Variants in FRMD3 observed in about 807,000 individuals in gnomAD.
FRMD3 encodes FERM domain-containing protein 3.
Under a neutral mutation model 70.2 loss-of-function variants are expected in FRMD3, and 33 were observed. The ratio of observed to expected loss-of-function variants is 0.47; its 90% confidence interval spans 0.36 to 0.63. FRMD3 has a LOEUF of 0.63. FRMD3 is among the 20% of genes least tolerant of loss of function. The probability of loss-of-function intolerance (pLI) is 0.00; values close to 1 mark genes in which losing one functional copy is unlikely to be tolerated. For missense variants in FRMD3, 632 were observed against 711.4 expected (o/e 0.89, Z 1.27); for synonymous variants, 279 against 255.9 (o/e 1.09, Z -0.86).
At chr9:83,394,618 C>T (rs1317813414) in intron 1 of FRMD3, among the ~76,000 whole-genome samples, 1 of 152,124 alleles carries the variant, frequency 6.6e-6, no homozygotes, top group Admixed American at 6.5e-5. Context: ...GCCCACAGTA[C>T]CTTCTCTTCA....
chr9:83,514,081 C>T (rs1252703363), intron 1 of FRMD3, among the ~76,000 whole-genome samples: 1 of 152,032 alleles, frequency 6.6e-6, no homozygotes, highest in African/African-American at 2.4e-5. Context: ...TTTTTCATAC[C>T]CCAGTGGCAC....
At chr9:83,287,038 C>A (rs1429218598) in intron 13 of FRMD3, among the ~76,000 whole-genome samples, 1 of 152,164 alleles carries the variant, frequency 6.6e-6, no homozygotes, top group Non-Finnish European at 1.5e-5. Flanking sequence ...TACCATGTAA[C>A]CAGCGACCCT....
At chr9:83,297,831 A>G (rs34913088) in intron 12 of FRMD3, 22,942 of 471,722 alleles carry the variant, frequency 0.049, 694 homozygotes, top group Middle Eastern at 0.12. Flanking sequence ...ATGGGATATC[A>G]TGCCAACTGC....
intron 3 of FRMD3, among the ~76,000 whole-genome samples, chr9:83,355,839 A>G (rs1824318194): frequency 6.6e-6 from 1 of 152,202 alleles, no homozygotes; most frequent in African/African-American, 2.4e-5. Context: ...ATACCACCAG[A>G]GTAGCAGAGA....
intron 1 of FRMD3, among the ~76,000 whole-genome samples, chr9:83,513,784 G>A (rs1341743792): frequency 6.6e-6 from 1 of 152,144 alleles, no homozygotes; most frequent in Non-Finnish European, 1.5e-5. Context: ...ATTGGAACTG[G>A]TTAGACAGTG....
At chr9:83,478,406 G>A (rs185421512) in intron 1 of FRMD3, among the ~76,000 whole-genome samples, 14 of 152,138 alleles carry the variant, frequency 9.2e-5, no homozygotes, top group East Asian at 1.9e-4. Context: ...AATGATGCTC[G>A]ACATCACTAA....
chr9:83,556,529 C>A, the FRMD3 span, among the ~76,000 whole-genome samples: 1 of 152,212 alleles, frequency 6.6e-6, no homozygotes, highest in Non-Finnish European at 1.5e-5. Flanking sequence ...GCTCTTTTCA[C>A]ATTTTTTACT....
chr9:83,351,331 C>CACACACACACACACACAA lies in FRMD3; in HGVS notation c.296-1575_296-1574insTTGTGTGTGTGTGTGTGT, dbSNP rs1824150205. On this transcript the variant is annotated intron_variant, in intron 3 of 13. Coordinates refer to ENST00000304195, the MANE Select transcript of FRMD3 (RefSeq NM_174938.6). ...CAGAGAAAAACTGATCATACACACACACACACACACACACACACACACTAG... is the reference window on the plus strand; with the variant it reads ...CAGAGAAAAACTGATCATACACACACACACACACACACACACAAACACACACACACACACACACACTAG... Among the ~76,000 whole-genome samples, 6 of 151,202 alleles carry CACACACACACACACACAA rather than the reference C, an allele frequency of 4.0e-5. No individual in the cohort carries two copies. In the South Asian group the frequency reaches 1.3e-3, roughly 32 times the overall value.
At chr9:83,515,934 C>G (rs1041311477) in intron 1 of FRMD3, among the ~76,000 whole-genome samples, 6 of 152,112 alleles carry the variant, frequency 3.9e-5, no homozygotes, top group African/African-American at 1.4e-4. Context: ...GATTTTGTCA[C>G]CCCCAGGCCT....
intron 6 of FRMD3, among the ~76,000 whole-genome samples, chr9:83,333,406 G>A (rs558515941): frequency 5.3e-5 from 8 of 152,250 alleles, no homozygotes; most frequent in South Asian, 2.1e-4. Flanking sequence ...GATGACCCCC[G>A]TCTTCCCTGA....
intron 1 of FRMD3, among the ~76,000 whole-genome samples, chr9:83,518,299 T>C (rs1169274090): frequency 6.6e-6 from 1 of 152,198 alleles, no homozygotes; most frequent in African/African-American, 2.4e-5. Flanking sequence ...AGTCTCAGCA[T>C]ACAAAATCAG....
intron 2 of FRMD3, among the ~76,000 whole-genome samples, chr9:83,377,916 T>A (rs1825199992): frequency 1.3e-5 from 2 of 152,164 alleles, no homozygotes; most frequent in Admixed American, 1.3e-4. Context: ...GTAGATTTCA[T>A]GTAAATTAGC....
the FRMD3 span, among the ~76,000 whole-genome samples, chr9:83,561,717 T>C: frequency 3.3e-5 from 5 of 152,182 alleles, no homozygotes; most frequent in African/African-American, 9.7e-5. Flanking sequence ...CTCAAAATGA[T>C]TCACATCACT....
intron 6 of FRMD3, among the ~76,000 whole-genome samples, chr9:83,321,673 T>C (rs905174312): frequency 2.0e-5 from 3 of 152,318 alleles, no homozygotes; most frequent in Non-Finnish European, 2.9e-5. Flanking sequence ...GGTAGAACAT[T>C]CTGTAAATGT....
chr9:83,263,102 A>G (rs1833063346), intron 13 of FRMD3, among the ~76,000 whole-genome samples: 1 of 152,232 alleles, frequency 6.6e-6, no homozygotes, highest in South Asian at 2.1e-4. Context: ...TAACTGAAAG[A>G]AACAGCAGAA....
chr9:83,349,769 T>C lies in FRMD3; in HGVS notation c.296-12A>G. ...GTATGGTGGATGAGCTGAAACATCA[T>C]AAAGAAAAGGCATGAGAAAAGCAGC... is the stretch of plus-strand genomic sequence containing the variant. On this transcript the variant is annotated splice_polypyrimidine_tract_variant and intron_variant, in intron 3 of 13. Transcript: ENST00000304195. The C allele has an allele frequency of 1.3e-6, 2 of 1,597,404 alleles. No homozygotes were observed. The highest frequency in any genetic ancestry group is 1.7e-6 in the Non-Finnish European group (2 of 1,166,568).
intron 1 of FRMD3, among the ~76,000 whole-genome samples, chr9:83,471,748 G>A (rs1828274548): frequency 1.3e-5 from 2 of 152,194 alleles, no homozygotes; most frequent in East Asian, 3.8e-4. Flanking sequence ...AGAAACATTT[G>A]TATTTGTTTA....
chr9:83,489,819 T>C lies in FRMD3; in HGVS notation c.147+48266A>G, dbSNP rs1409148454. 3.3e-5 allele frequency among the ~76,000 whole-genome samples: 5 copies of C among 152,290 alleles called. No individual in the cohort carries two copies. The East Asian group carries it at 9.6e-4, about 29-fold the overall frequency. ...CTGCCATTATCATCAGAGTAGGTAA[T>C]TCACTAAGCAAAATCTCAATCAATA... is the stretch of plus-strand genomic sequence containing the variant. On this transcript the variant is annotated intron_variant, in intron 1 of 13. Transcript: ENST00000304195.
chr9:83,368,368 G>C (rs1161818043), intron 3 of FRMD3, among the ~76,000 whole-genome samples: 1 of 151,854 alleles, frequency 6.6e-6, no homozygotes, highest in Non-Finnish European at 1.5e-5. Flanking sequence ...GTCTCACTCT[G>C]TCACCCAGGC....
Sources: allele counts gnomAD v4.1 joint callset (sites outside exome capture counted in the v4.1 genomes callset), GRCh38; gene constraint gnomAD v4.1.1; transcripts MANE v1.5; gene names NCBI Gene and HGNC (gene_info 2026-07-23, HGNC 2026-07-21).